Variants in RFC5 observed in about 807,000 individuals in gnomAD.
RFC5 encodes the protein replication factor C subunit 5.
In RFC5, 26 loss-of-function variants were observed where a neutral mutation model predicts 44.3. That is an observed-to-expected ratio of 0.59 (90% CI 0.43 to 0.81). The LOEUF (loss-of-function observed/expected upper bound fraction) is 0.81. Ranked by LOEUF, RFC5 falls within the 40% of genes least tolerant of loss-of-function variation. The pLI is 0.00. For missense variants in RFC5, 328 were observed against 418.6 expected, an observed-to-expected ratio of 0.78 and a Z score of 1.89; for synonymous variants, 155 against 155.2, an observed-to-expected ratio of 1.00 and a Z score of 0.01.
chr12:118,016,913 G>A (rs1367734231), intron 1 of RFC5, 21 bp downstream of exon 1: 1 of 1,608,594 alleles, frequency 6.2e-7, no homozygotes, highest in Non-Finnish European at 8.5e-7. Flanking sequence ...GCCGAGCGGC[G>A]GCGGTGGGCA....
chr12:118,036,238 C>A, downstream of RFC5: 1 of 1,375,740 alleles, frequency 7.3e-7, no homozygotes, highest in Admixed American at 2.1e-5. Context: ...CCAGCTTGTC[C>A]CCTCCCATGT....
chr12:118,017,723 C>G, intron 1 of RFC5: 1 of 702,020 alleles, frequency 1.4e-6, no homozygotes, highest in Non-Finnish European at 2.3e-6. Context: ...CATGCTGGAG[C>G]GCAGTGGTGT....
At chr12:118,018,517 C>T (rs138015257) in intron 1 of RFC5, among the ~76,000 whole-genome samples, 98 of 152,242 alleles carry the variant, frequency 6.4e-4, no homozygotes, top group African/African-American at 2.3e-3. Context: ...CCTAGGAAGA[C>T]AAAATCACCT....
chr12:118,040,438 C>A, the RFC5 span, among the ~76,000 whole-genome samples: 1 of 151,704 alleles, frequency 6.6e-6, no homozygotes, highest in Non-Finnish European at 1.5e-5. Context: ...GGCAAGCTGC[C>A]TCAGTACACA....
At chr12:118,034,391 A>C (rs746582948), downstream of RFC5, 2 of 1,604,580 alleles carry the variant, frequency 1.2e-6, no homozygotes, top group Non-Finnish European at 8.5e-7. Flanking sequence ...GCTAAGACAG[A>C]GCTTGGATGT....
chr12:118,029,265 C>G (rs1323804380), intron 9 of RFC5, among the ~76,000 whole-genome samples: 1 of 148,740 alleles, frequency 6.7e-6, no homozygotes, highest in African/African-American at 2.4e-5. Context: ...ACAAAAAGTA[C>G]AAAACAGCCA....
chr12:118,016,718 G>T lies in RFC5; in HGVS notation c.-110G>T. 4 of 879,328 alleles carry T rather than the reference G, an allele frequency of 4.5e-6. No homozygotes were observed. Among genetic ancestry groups the T allele is most frequent in the South Asian group, 1.5e-5 (1 of 68,172 alleles). The allele number at this position is 879,328 out of a possible 1,614,324, so 54.5% of individuals were successfully genotyped here. A position where few individuals can be genotyped will look rare whatever the true frequency, so the allele number is the denominator to read the frequency against. On this transcript the variant is annotated 5_prime_UTR_variant, in exon 1 of 11. Transcript: ENST00000454402. ...CGCGTCTCGCGAGAGTTGCTTTTGC[G>T]CGCGAACTGTAAGTGCCAGGGTCTC...
chr12:118,036,484 G>A (rs751103186), downstream of RFC5: 1 of 1,613,946 alleles, frequency 6.2e-7, no homozygotes, highest in Admixed American at 1.7e-5. Context: ...GAATTAACGT[G>A]TAGGACCTCA....
intron 1 of RFC5, 103 bp downstream of exon 1, chr12:118,016,995 T>C: frequency 1.1e-6 from 1 of 885,922 alleles, no homozygotes; most frequent in Non-Finnish European, 1.8e-6. Context: ...CCCGACCTCT[T>C]CCCGTCGTCT....
At chr12:118,030,747 A>G (rs541982017) in intron 10 of RFC5, among the ~76,000 whole-genome samples, 1 of 152,038 alleles carries the variant, frequency 6.6e-6, no homozygotes, top group South Asian at 2.1e-4. Context: ...CAAGCGATTC[A>G]CCTGCCTCAG....
chr12:118,022,430 G>A (rs1277143398), intron 5 of RFC5, 71 bp downstream of exon 5: 2 of 1,064,872 alleles, frequency 1.9e-6, no homozygotes, highest in South Asian at 1.3e-5. Flanking sequence ...CTTTGTGTTT[G>A]TTGCTGTTGT....
At chr12:118,018,794 A>AT (rs1404748359) in intron 1 of RFC5, among the ~76,000 whole-genome samples, 2 of 151,736 alleles carry the variant, frequency 1.3e-5, no homozygotes, top group African/African-American at 4.8e-5. Flanking sequence ...ATTTTTTGGT[A>AT]TTTTTTATTG....
chr12:118,030,503 C>CTTAA (rs5745888), intron 10 of RFC5, among the ~76,000 whole-genome samples: 55,946 of 151,830 alleles, frequency 0.37, 10,767 homozygotes, highest in East Asian at 0.52. Flanking sequence ...GATGAAATGG[C>CTTAA]TTAAGAGGAA....
At chr12:118,034,510 G>A, downstream of RFC5, 3 of 972,924 alleles carry the variant, frequency 3.1e-6, no homozygotes, top group Non-Finnish European at 4.4e-6. Flanking sequence ...GTAAAATTGT[G>A]GTGCTGAATA....
chr12:118,034,540 T>C, downstream of RFC5: 1 of 678,188 alleles, frequency 1.5e-6, no homozygotes, highest in Non-Finnish European at 2.3e-6. Flanking sequence ...GCTGATAGGA[T>C]TAGAAAAACT....
At chr12:118,038,354 C>T in the RFC5 span, 2 of 1,614,210 alleles carry the variant, frequency 1.2e-6, no homozygotes, top group Non-Finnish European at 1.7e-6. Context: ...AGTAAACCCA[C>T]TGCAGGTGGC....
chr12:118,026,440 T>C (rs1418185646), intron 7 of RFC5, among the ~76,000 whole-genome samples: 1 of 151,956 alleles, frequency 6.6e-6, no homozygotes, highest in African/African-American at 2.4e-5. Context: ...CTGTCTCCAC[T>C]AAAAAATCAT....
chr12:118,025,871 CAG>C, intron 7 of RFC5, 43 bp downstream of exon 7: 1 of 1,057,706 alleles, frequency 9.5e-7, no homozygotes, highest in Non-Finnish European at 1.4e-6. Flanking sequence ...TTTTTTGAGA[CAG>C]AGTCTTGCTC....
downstream of RFC5, chr12:118,033,974 T>C: frequency 1.7e-6 from 1 of 578,590 alleles, no homozygotes; most frequent in East Asian, 3.0e-5. Flanking sequence ...TAAGGCTCTG[T>C]TGCCGTGCAA....
Sources: allele counts gnomAD v4.1 joint callset (sites outside exome capture counted in the v4.1 genomes callset), GRCh38; gene constraint gnomAD v4.1.1; transcripts MANE v1.5; gene names NCBI Gene and HGNC (gene_info 2026-07-23, HGNC 2026-07-21).